Variants in GATB observed in about 807,000 individuals in gnomAD.
The protein encoded by GATB is glutamyl-tRNA amidotransferase subunit B, also known as glutamyl-tRNA(Gln) amidotransferase subunit B, mitochondrial.
GATB carries 39 observed loss-of-function variants against 62.3 expected under a neutral mutation model. The ratio of observed to expected loss-of-function variants is 0.63; its 90% confidence interval spans 0.48 to 0.82. The LOEUF is 0.82. GATB is among the 40% of genes least tolerant of loss of function. The pLI is 0.00. For missense variants in GATB, 670 were observed against 684.0 expected, an observed-to-expected ratio of 0.98 and a Z score of 0.23; for synonymous variants, 276 against 258.9, an observed-to-expected ratio of 1.07 and a Z score of -0.63.
chr4:151,722,445 A>C (rs1404943198), intron 2 of GATB: 1 of 532,712 alleles, frequency 1.9e-6, no homozygotes, highest in African/African-American at 1.9e-5. Context: ...TTCCCACGAC[A>C]AAGGCCAAGC....
rs149224015 is a variant in GATB at position 151,701,418 on chromosome 4, G to C, written c.1108C>G (p.Arg370Gly). 19 of 1,605,720 alleles carry C rather than the reference G, an allele frequency of 1.2e-5. No individual in the cohort carries two copies. The East Asian group carries it at 3.4e-4, about 29-fold the overall frequency. Reference protein sequence around the residue: ...PQQVINIDQIRETLPELPSVT... With the variant: ...PQQVINIDQIGETLPELPSVT... ...CTGGGGAGCTCCGGGAGTGTCTCCC[G>C]AATCTGGTCAATATTGATCACTTGC... The change falls in exon 9 of 13, where the codon CGG becomes GGG. Residue 370 changes from arginine (R) to glycine (G), a missense_variant. Arg to Gly is a moderately radical substitution (Grantham distance 125). Coordinates refer to ENST00000263985, the MANE Select transcript of GATB (RefSeq NM_004564.3).
At chr4:151,760,243 C>T (rs1240797690) in intron 1 of GATB, among the ~76,000 whole-genome samples, 1 of 152,128 alleles carries the variant, frequency 6.6e-6, no homozygotes, top group African/African-American at 2.4e-5. Flanking sequence ...GGATATCTGG[C>T]CAAATAAGCA....
At chr4:151,741,969 G>C (rs1739497030) in intron 2 of GATB, among the ~76,000 whole-genome samples, 1 of 152,172 alleles carries the variant, frequency 6.6e-6, no homozygotes, top group East Asian at 1.9e-4. Context: ...CCTGATCTGT[G>C]TCTGTGATGA....
At chr4:151,752,270 T>C (rs1739736201) in intron 2 of GATB, among the ~76,000 whole-genome samples, 1 of 152,212 alleles carries the variant, frequency 6.6e-6, no homozygotes, top group South Asian at 2.1e-4. Flanking sequence ...TTTCTTGACA[T>C]GCCTTCATGT....
intron 12 of GATB, 117 bp from the exon 13 acceptor site, chr4:151,671,419 T>TAGAC (rs1737857303): frequency 2.0e-6 from 2 of 985,836 alleles, no homozygotes; most frequent in Non-Finnish European, 3.0e-6. Flanking sequence ...CCACTAGTAT[T>TAGAC]AGACATAAAA....
At chr4:151,691,987 C>T (rs1033350935) in intron 9 of GATB, among the ~76,000 whole-genome samples, 2 of 152,036 alleles carry the variant, frequency 1.3e-5, no homozygotes, top group Non-Finnish European at 2.9e-5. Flanking sequence ...TGCTAAATAT[C>T]TGCTAGACAC....
chr4:151,755,466 CAT>C (rs1739808609), intron 2 of GATB, among the ~76,000 whole-genome samples: 1 of 152,200 alleles, frequency 6.6e-6, no homozygotes, highest in Admixed American at 6.5e-5. Flanking sequence ...TCTTTGCCCA[CAT>C]GTTTATTTTC....
intron 10 of GATB, among the ~76,000 whole-genome samples, chr4:151,682,506 G>A (rs1158174090): frequency 6.6e-6 from 1 of 152,128 alleles, no homozygotes; most frequent in African/African-American, 2.4e-5. Context: ...CTGACACCGC[G>A]GCCTTCAGCT....
At chr4:151,732,533 A>G (rs1433803998) in intron 2 of GATB, among the ~76,000 whole-genome samples, 5 of 152,014 alleles carry the variant, frequency 3.3e-5, no homozygotes, top group African/African-American at 9.7e-5. Context: ...GCTCATTAAG[A>G]GTCATCACCA....
chr4:151,710,291 T>G (rs1738791518), intron 5 of GATB, among the ~76,000 whole-genome samples: 1 of 152,210 alleles, frequency 6.6e-6, no homozygotes, highest in Non-Finnish European at 1.5e-5. Context: ...GTCATTACTC[T>G]TTCTCAGCAT....
At chr4:151,682,316 A>C (rs1738156155) in intron 10 of GATB, among the ~76,000 whole-genome samples, 1 of 152,170 alleles carries the variant, frequency 6.6e-6, no homozygotes. Context: ...GCTAAACTTG[A>C]GTCAGACGAT....
intron 9 of GATB, among the ~76,000 whole-genome samples, chr4:151,694,037 A>G (rs529019103): frequency 6.6e-6 from 1 of 152,272 alleles, no homozygotes; most frequent in African/African-American, 2.4e-5. Flanking sequence ...CAAGAAATCA[A>G]TTCCAATTGT....
intron 2 of GATB, among the ~76,000 whole-genome samples, chr4:151,736,342 T>G (rs1231427527): frequency 2.0e-5 from 3 of 152,204 alleles, no homozygotes; most frequent in Non-Finnish European, 2.9e-5. Context: ...GGAAAATAAT[T>G]TTCCCCAATT....
intron 11 of GATB, chr4:151,674,065 A>C (rs569534198): frequency 6.6e-6 from 1 of 152,370 alleles, no homozygotes; most frequent in East Asian, 1.9e-4. Flanking sequence ...GTGCCTCAGA[A>C]CGTGCGCTGT....
At chr4:151,746,936 C>A (rs1248622152) in intron 2 of GATB, among the ~76,000 whole-genome samples, 4 of 152,102 alleles carry the variant, frequency 2.6e-5, no homozygotes, top group East Asian at 1.9e-4. Flanking sequence ...GCAAGAAAAT[C>A]CCCTGGGGCC....
intron 2 of GATB, among the ~76,000 whole-genome samples, chr4:151,731,146 G>A (rs972384955): frequency 1.9e-5 from 2 of 106,864 alleles, no homozygotes; most frequent in Admixed American, 1.4e-4. Flanking sequence ...CTCTTTCCAC[G>A]GTCTCCCTCT....
chr4:151,718,086 G>C (rs758052746), intron 3 of GATB, among the ~76,000 whole-genome samples: 1 of 152,206 alleles, frequency 6.6e-6, no homozygotes, highest in Non-Finnish European at 1.5e-5. Flanking sequence ...CTTGTCAAAA[G>C]ACAGACTGCT....
intron 2 of GATB, among the ~76,000 whole-genome samples, chr4:151,735,123 C>A (rs555927991): frequency 1.3e-5 from 2 of 151,030 alleles, no homozygotes; most frequent in South Asian, 4.2e-4. Flanking sequence ...AGCAAAAGAA[C>A]AGTCAGCAGA....
At chr4:151,696,810 A>C (rs1356853135) in intron 9 of GATB, among the ~76,000 whole-genome samples, 1 of 152,252 alleles carries the variant, frequency 6.6e-6, no homozygotes, top group African/African-American at 2.4e-5. Flanking sequence ...GAAATCAGCC[A>C]GGGAGGATTT....
Sources: allele counts gnomAD v4.1 joint callset (sites outside exome capture counted in the v4.1 genomes callset), GRCh38; gene constraint gnomAD v4.1.1; transcripts MANE v1.5; gene names NCBI Gene and HGNC (gene_info 2026-07-23, HGNC 2026-07-21).